The following PRUNE2 variants were observed in gnomAD, a reference collection of about 807,000 sequenced individuals.
PRUNE2 encodes the protein protein prune homolog 2.
Under a neutral mutation model 252.0 loss-of-function variants are expected in PRUNE2, and 164 were observed. The observed-to-expected ratio is 0.65, with a 90% CI of 0.57 to 0.74. PRUNE2 has a LOEUF of 0.74. PRUNE2 is among the 30% of genes least tolerant of loss of function. The pLI is 0.00. For synonymous variants in PRUNE2, 1,292 were observed against 1,350.2 expected, an observed-to-expected ratio of 0.96 and a Z score of 0.94; for missense variants, 3,495 against 3,711.0, an observed-to-expected ratio of 0.94 and a Z score of 1.51.
At chr9:76,765,521 G>A (rs2052254706) in intron 6 of PRUNE2, among the ~76,000 whole-genome samples, 1 of 152,140 alleles carries the variant, frequency 6.6e-6, no homozygotes, top group South Asian at 2.1e-4. Context: ...TCTCATAATT[G>A]CATTCTAGCA....
At chr9:76,740,749 TTAGC>T (rs1361959941) in intron 6 of PRUNE2, among the ~76,000 whole-genome samples, 1 of 152,234 alleles carries the variant, frequency 6.6e-6, no homozygotes, top group Non-Finnish European at 1.5e-5. Context: ...GAATTCCCTC[TTAGC>T]TAGTGATCGA....
At chr9:76,741,972 T>C (rs996379343) in intron 6 of PRUNE2, among the ~76,000 whole-genome samples, 1 of 152,210 alleles carries the variant, frequency 6.6e-6, no homozygotes, top group African/African-American at 2.4e-5. Flanking sequence ...TTTTGACTAA[T>C]AAAATGTTAA....
intron 1 of PRUNE2, among the ~76,000 whole-genome samples, chr9:76,877,826 C>T (rs974224541): frequency 6.6e-6 from 1 of 152,222 alleles, no homozygotes; most frequent in African/African-American, 2.4e-5. Flanking sequence ...CTTCCAGCCA[C>T]TAGGGCTTAG....
intron 6 of PRUNE2, among the ~76,000 whole-genome samples, chr9:76,731,312 A>ATCTATCTATC (rs1484214876): frequency 3.5e-4 from 36 of 104,126 alleles, no homozygotes; most frequent in Admixed American, 1.4e-3. Flanking sequence ...CTATCTATCT[A>ATCTATCTATC]TATATATATA....
rs911762140 is a variant in PRUNE2, at chr9:76,611,843, T to C, written c.*2727A>G. ...TATCTTCTGTGCAAATTTCTGTTCTTTCTCTTAATCAAGGAGCTTTGAGAA... is the reference window on the plus strand; with the variant it reads ...TATCTTCTGTGCAAATTTCTGTTCTCTCTCTTAATCAAGGAGCTTTGAGAA... On this transcript the variant is annotated 3_prime_UTR_variant, in exon 19 of 19. Transcript: ENST00000376718. 1 of 152,656 alleles carries C rather than the reference T, an allele frequency of 6.6e-6. No individual in the cohort carries two copies. The highest frequency in any genetic ancestry group is 1.5e-5 in the Non-Finnish European group (1 of 68,036). 9.5% of individuals were successfully genotyped at this position (152,656 alleles called of 1,614,324 possible).
At chr9:76,902,039 G>C (rs77481300) in intron 1 of PRUNE2, among the ~76,000 whole-genome samples, 9,660 of 152,212 alleles carry the variant, frequency 0.063, 357 homozygotes, top group South Asian at 0.11. Context: ...CATCACCTGG[G>C]GGGGTCTGGG....
chr9:76,861,308 T>A (rs1328525602), intron 1 of PRUNE2, among the ~76,000 whole-genome samples: 1 of 152,212 alleles, frequency 6.6e-6, no homozygotes, highest in Non-Finnish European at 1.5e-5. Context: ...TCCTCCTGAA[T>A]TTCTCTTTGT....
rs2058151625 is a variant in PRUNE2, at chr9:76,823,461, A to G, written c.756+171T>C. 3 of 604,290 alleles carry G rather than the reference A, an allele frequency of 5.0e-6. No individual in the cohort carries two copies. The South Asian group carries it at 7.0e-5, about 14-fold the overall frequency. The allele number at this position is 604,290 out of a possible 1,614,324, so 37.4% of individuals were successfully genotyped here. On this transcript the variant is annotated intron_variant, in intron 6 of 18. Transcript: ENST00000376718. ...CAGGTTTGGCATTTTTCATTGACTT[A>G]GCATAGTGTTTTCACCCAAATAATA...
chr9:76,621,099 A>G (rs1331706636), intron 17 of PRUNE2, among the ~76,000 whole-genome samples: 1 of 152,078 alleles, frequency 6.6e-6, no homozygotes, highest in Non-Finnish European at 1.5e-5. Flanking sequence ...GAATGTTGAG[A>G]AACTAGTGGG....
chr9:76,716,564 T>C (rs2047169437), intron 6 of PRUNE2, among the ~76,000 whole-genome samples: 1 of 152,254 alleles, frequency 6.6e-6, no homozygotes. Flanking sequence ...GGTGTGCGTT[T>C]CTGGGCCGAT....
chr9:76,843,387 G>C (rs1031342779), intron 4 of PRUNE2, among the ~76,000 whole-genome samples: 1 of 152,006 alleles, frequency 6.6e-6, no homozygotes, highest in African/African-American at 2.4e-5. Flanking sequence ...TGGATTGATG[G>C]GTGCAGCAAA....
chr9:76,704,470 C>A (rs540799587), intron 8 of PRUNE2, among the ~76,000 whole-genome samples: 1 of 152,222 alleles, frequency 6.6e-6, no homozygotes, highest in African/African-American at 2.4e-5. Context: ...GGTGATCCCC[C>A]CTCCTTGGCC....
intron 18 of PRUNE2, among the ~76,000 whole-genome samples, 171 bp from the exon 19 acceptor site, chr9:76,614,771 GT>G (rs1209954725): frequency 4.6e-5 from 7 of 152,114 alleles, no homozygotes. Context: ...TCCTCCTCTT[GT>G]CAGGCTTTTC....
chr9:76,618,909 C>A (rs758903505), intron 18 of PRUNE2, among the ~76,000 whole-genome samples: 3 of 152,200 alleles, frequency 2.0e-5, no homozygotes, highest in Non-Finnish European at 4.4e-5. Context: ...TTCCTACAGT[C>A]TCATACAGGC....
At position 76,832,633 on chromosome 9, in the gene PRUNE2, TAC is replaced by T. The variant is rs548248484; in HGVS notation, c.509-5903_509-5902del. 2.4e-3 allele frequency among the ~76,000 whole-genome samples: 364 copies of T among 151,124 alleles called. 1 individual carries two copies. Among genetic ancestry groups the T allele is most frequent in the Middle Eastern group, 0.024 (7 of 292 alleles). On this transcript the variant is annotated intron_variant, in intron 4 of 18. Transcript: ENST00000376718. ...TAAAAGCGTTAAGTGTTAAAAAAAA[TAC>T]ACACACATTAAATTCACCTAAAAAA... is the stretch of plus-strand genomic sequence containing the variant.
chr9:76,705,472 C>T lies in PRUNE2; in HGVS notation c.6802G>A (p.Asp2268Asn). The T allele has an allele frequency of 6.2e-7, 1 of 1,613,948 alleles. No individual in the cohort carries two copies. The highest frequency in any genetic ancestry group is 8.5e-7 in the Non-Finnish European group (1 of 1,179,852). ...ESQPGARALF[D>N]GDPHLSTENP... ...TCTGTGGATAAATGTGGATCACCAT[C>T]AAACAAAGCTCTTGCACCAGGCTGA... The change falls in exon 8 of 19, where the codon GAT becomes AAT. Residue 2268 changes from aspartate to asparagine, a missense_variant. By Grantham distance (23) the Asp-to-Asn change is conservative. Coordinates refer to ENST00000376718, the MANE Select transcript of PRUNE2 (RefSeq NM_015225.3).
intron 9 of PRUNE2, among the ~76,000 whole-genome samples, chr9:76,658,268 G>C (rs1850001633): frequency 6.6e-6 from 1 of 152,182 alleles, no homozygotes; most frequent in South Asian, 2.1e-4. Context: ...TGAGGCAGGA[G>C]AATTGCTTAA....
At chr9:76,782,757 G>A (rs2054556464) in intron 6 of PRUNE2, 1 of 152,164 alleles carries the variant, frequency 6.6e-6, no homozygotes, top group Non-Finnish European at 1.5e-5. Flanking sequence ...AGTGACACAG[G>A]GCTGGATCAC....
intron 6 of PRUNE2, among the ~76,000 whole-genome samples, chr9:76,765,976 A>G (rs906838639): frequency 6.6e-6 from 1 of 152,048 alleles, no homozygotes; most frequent in Admixed American, 6.6e-5. Flanking sequence ...AGGTCAAGAG[A>G]TTGAGACCAT....
Sources: allele counts gnomAD v4.1 joint callset (sites outside exome capture counted in the v4.1 genomes callset), GRCh38; gene constraint gnomAD v4.1.1; transcripts MANE v1.5; gene names NCBI Gene and HGNC (gene_info 2026-07-23, HGNC 2026-07-21).